Variants in SNTB1 observed in about 807,000 individuals in gnomAD.
SNTB1 encodes beta-1-syntrophin.
In SNTB1, 36 loss-of-function variants were observed where a neutral mutation model predicts 48.9. The ratio of observed to expected loss-of-function variants is 0.74; its 90% CI spans 0.56 to 0.97. SNTB1 has a LOEUF of 0.97. Ranked by LOEUF, SNTB1 falls within the 50% of genes least tolerant of loss-of-function variation. SNTB1 has a pLI of 0.00. For missense variants in SNTB1, 786 were observed against 703.4 expected (o/e 1.12, Z -1.33); for synonymous variants, 299 against 294.6 (o/e 1.01, Z -0.15).
chr8:120,547,258 T>G (rs1412208717), intron 5 of SNTB1, among the ~76,000 whole-genome samples: 2 of 152,210 alleles, frequency 1.3e-5, no homozygotes, highest in Non-Finnish European at 2.9e-5. Context: ...TTTAAAATGC[T>G]GGTCTTGCCT....
At chr8:120,656,277 A>T (rs1039964365) in intron 2 of SNTB1, among the ~76,000 whole-genome samples, 1 of 152,214 alleles carries the variant, frequency 6.6e-6, no homozygotes, top group African/African-American at 2.4e-5. Flanking sequence ...CCCATTTCAA[A>T]AACAGGTCAT....
intron 1 of SNTB1, chr8:120,769,014 C>G (rs1430159327): frequency 2.6e-5 from 4 of 152,282 alleles, no homozygotes; most frequent in African/African-American, 9.6e-5. Context: ...CTCCCAGCCT[C>G]TCTCTTGGCC....
intron 3 of SNTB1, among the ~76,000 whole-genome samples, chr8:120,582,476 G>A (rs576561337): frequency 6.8e-4 from 103 of 152,164 alleles, no homozygotes; most frequent in African/African-American, 2.4e-3. Context: ...GCATCAGAAA[G>A]TTCAACAAAA....
At chr8:120,694,602 T>C (rs1340733129) in intron 1 of SNTB1, among the ~76,000 whole-genome samples, 3 of 151,362 alleles carry the variant, frequency 2.0e-5, no homozygotes, top group Non-Finnish European at 4.4e-5. Flanking sequence ...TCTCTCTCTA[T>C]ATATATAGAT....
chr8:120,576,338 A>G (rs1449442238), intron 3 of SNTB1, among the ~76,000 whole-genome samples: 1 of 152,254 alleles, frequency 6.6e-6, no homozygotes, highest in Non-Finnish European at 1.5e-5. Flanking sequence ...TAAGCTAAAT[A>G]AGTGATAAAG....
At chr8:120,562,978 C>T (rs945065112) in intron 4 of SNTB1, among the ~76,000 whole-genome samples, 3 of 152,174 alleles carry the variant, frequency 2.0e-5, no homozygotes, top group African/African-American at 7.2e-5. Flanking sequence ...TGCCTGGTTC[C>T]CAAGCCATCT....
At chr8:120,577,151 A>G (rs1424414798) in intron 3 of SNTB1, among the ~76,000 whole-genome samples, 2 of 152,154 alleles carry the variant, frequency 1.3e-5, no homozygotes, top group Admixed American at 6.5e-5. Context: ...ATCCTTTCCA[A>G]AGTTCTCCCA....
intron 2 of SNTB1, among the ~76,000 whole-genome samples, chr8:120,653,570 A>G (rs182844164): frequency 6.6e-6 from 1 of 152,326 alleles, no homozygotes; most frequent in East Asian, 1.9e-4. Flanking sequence ...TGTTATGCCA[A>G]TCCTAGAAAA....
intron 4 of SNTB1, among the ~76,000 whole-genome samples, chr8:120,558,203 A>G (rs879679378): frequency 1.3e-5 from 2 of 152,154 alleles, no homozygotes; most frequent in Non-Finnish European, 2.9e-5. Context: ...TTATATTTCA[A>G]TTAATTTACA....
chr8:120,698,067 G>A (rs1818240527), intron 1 of SNTB1, among the ~76,000 whole-genome samples: 2 of 152,206 alleles, frequency 1.3e-5, no homozygotes, highest in South Asian at 4.1e-4. Flanking sequence ...AGCGAATATG[G>A]CAGAGCCGAA....
intron 3 of SNTB1, among the ~76,000 whole-genome samples, chr8:120,583,859 T>C (rs897395413): frequency 1.2e-4 from 19 of 152,110 alleles, no homozygotes; most frequent in African/African-American, 4.6e-4. Context: ...TTTTAGCAAA[T>C]TGAGTCTGAA....
chr8:120,603,033 G>A (rs1314285937), intron 3 of SNTB1, among the ~76,000 whole-genome samples: 2 of 151,632 alleles, frequency 1.3e-5, no homozygotes, highest in Non-Finnish European at 2.9e-5. Context: ...TTATTTTTGT[G>A]GGGCTATCGC....
At chr8:120,585,688 T>G (rs1022847968) in intron 3 of SNTB1, among the ~76,000 whole-genome samples, 1 of 152,228 alleles carries the variant, frequency 6.6e-6, no homozygotes, top group Admixed American at 6.5e-5. Flanking sequence ...AACATTTCCA[T>G]CATTCTATCA....
In SNTB1 at chr8:120,538,941, G is replaced by C; in HGVS notation, c.1553C>G (p.Pro518Arg). The C allele has an allele frequency of 6.2e-7, 1 of 1,613,564 alleles. No individual in the cohort carries two copies. The highest frequency in any genetic ancestry group is 8.5e-7 in the Non-Finnish European group (1 of 1,179,732). The stretch of plus-strand genomic sequence containing the variant: ...GAAGGAATGAATGATGAAAACAATT[G>C]GCTTGGGGCAGGAATGAAGGTCCAG... Reference protein sequence around the residue: ...IQLDLHSCPKPIVFIIHSFLS... With the variant: ...IQLDLHSCPKRIVFIIHSFLS... The change falls in exon 7 of 7, where the codon CCA becomes CGA. Residue 518 changes from proline (P) to arginine (R), a missense_variant. By Grantham distance (103) the Pro-to-Arg change is moderately radical. Coordinates refer to ENST00000517992, the MANE Select transcript of SNTB1 (RefSeq NM_021021.4).
intron 4 of SNTB1, among the ~76,000 whole-genome samples, chr8:120,573,976 C>T (rs897709149): frequency 6.6e-6 from 1 of 151,994 alleles, no homozygotes; most frequent in African/African-American, 2.4e-5. Flanking sequence ...TCTAAAGGTC[C>T]GTCTATAGAT....
intron 3 of SNTB1, among the ~76,000 whole-genome samples, chr8:120,583,122 A>G (rs1816075599): frequency 6.6e-6 from 1 of 152,200 alleles, no homozygotes; most frequent in African/African-American, 2.4e-5. Flanking sequence ...ATATTAATAA[A>G]TATAGCATTA....
At chr8:120,595,755 G>C (rs1398469226) in intron 3 of SNTB1, among the ~76,000 whole-genome samples, 1 of 151,940 alleles carries the variant, frequency 6.6e-6, no homozygotes, top group Non-Finnish European at 1.5e-5. Context: ...GGCTAATTTT[G>C]TGTGTTTAGT....
At chr8:120,681,144 G>T (rs1587084834) in intron 2 of SNTB1, among the ~76,000 whole-genome samples, 1 of 152,212 alleles carries the variant, frequency 6.6e-6, no homozygotes, top group South Asian at 2.1e-4. Context: ...AAAATAACAA[G>T]ACTAGAAAAA....
intron 3 of SNTB1, among the ~76,000 whole-genome samples, chr8:120,585,388 C>A (rs1046956204): frequency 2.6e-5 from 4 of 152,178 alleles, no homozygotes; most frequent in Non-Finnish European, 4.4e-5. Context: ...TCGTTCTTTC[C>A]TGCCTCCTGG....
Sources: allele counts gnomAD v4.1 joint callset (sites outside exome capture counted in the v4.1 genomes callset), GRCh38; gene constraint gnomAD v4.1.1; transcripts MANE v1.5; gene names NCBI Gene and HGNC (gene_info 2026-07-23, HGNC 2026-07-21).